FARS2: variants seen among roughly 807,000 people sequenced by gnomAD.
FARS2 encodes phenylalanine--tRNA ligase, mitochondrial.
FARS2 carries 40 observed loss-of-function variants against 46.4 expected under a neutral mutation model. That is an observed-to-expected ratio of 0.86 (90% CI 0.67 to 1.12). The LOEUF (loss-of-function observed/expected upper bound fraction) is 1.12, where lower values mean the gene tolerates loss of function less well. Ranked by LOEUF, FARS2 falls within the 50% of genes most tolerant of loss-of-function variation. FARS2 has a pLI of 0.00. For missense variants in FARS2, 513 were observed against 567.9 expected (o/e 0.90, Z 0.98); for synonymous variants, 234 against 214.9 (o/e 1.09, Z -0.78).
At chr6:5,570,407 ATC>A (rs1772572660) in intron 5 of FARS2, among the ~76,000 whole-genome samples, 1 of 152,188 alleles carries the variant, frequency 6.6e-6, no homozygotes, top group Non-Finnish European at 1.5e-5. Context: ...AAACCACAAC[ATC>A]TTCTCTTTAT....
At chr6:5,543,299 C>G (rs369187732) in intron 4 of FARS2, among the ~76,000 whole-genome samples, 12 of 152,042 alleles carry the variant, frequency 7.9e-5, no homozygotes, top group African/African-American at 2.9e-4. Context: ...AATCCTGAAG[C>G]TCCATGAATG....
chr6:5,625,088 C>T (rs1026517867), intron 6 of FARS2, among the ~76,000 whole-genome samples: 2 of 152,116 alleles, frequency 1.3e-5, no homozygotes, highest in African/African-American at 4.8e-5. Flanking sequence ...GTCTTGAAAA[C>T]GAAGAGATTT....
At chr6:5,515,080 C>T (rs541002488) in intron 4 of FARS2, among the ~76,000 whole-genome samples, 2 of 152,190 alleles carry the variant, frequency 1.3e-5, no homozygotes, top group South Asian at 4.1e-4. Context: ...GAAACTCCAT[C>T]TGTGGCTTTT....
At chr6:5,520,648 A>C (rs1358262834) in intron 4 of FARS2, among the ~76,000 whole-genome samples, 2 of 152,176 alleles carry the variant, frequency 1.3e-5, no homozygotes, top group African/African-American at 2.4e-5. Context: ...CCTTTTTGCC[A>C]ATGTTTTTCA....
intron 4 of FARS2, among the ~76,000 whole-genome samples, chr6:5,503,876 A>G (rs1767951784): frequency 6.6e-6 from 1 of 152,180 alleles, no homozygotes; most frequent in Non-Finnish European, 1.5e-5. Flanking sequence ...ACTTCTTTGT[A>G]TCTCACTGTA....
rs1474915461 is a variant in FARS2, at chr6:5,771,244, C to A, written c.1218-47C>A. ...GCAAGCCACACTGCTCCTTCAGGCA[C>A]AGCCTTGTTCATCCCGCACTCACCT... On this transcript the variant is annotated intron_variant, in intron 6 of 6. Coordinates refer to ENST00000274680, the MANE Select transcript of FARS2 (RefSeq NM_006567.5). 4 of 1,610,692 alleles carry A rather than the reference C, an allele frequency of 2.5e-6. No individual in the cohort carries two copies. The African/African-American group carries it at 5.3e-5, about 22-fold the overall frequency.
At position 5,613,153 on chromosome 6, in the gene FARS2, C is replaced by G; in HGVS notation, c.1066-16C>G. ...ACTAACAAGTTCATGTATCTTTTCTCCTCTTGTTTTGTTAGCCTCTTAGCA... is the reference window on the plus strand; with the variant it reads ...ACTAACAAGTTCATGTATCTTTTCTGCTCTTGTTTTGTTAGCCTCTTAGCA... On this transcript the variant is annotated splice_polypyrimidine_tract_variant and intron_variant, in intron 5 of 6. Coordinates refer to ENST00000274680, the MANE Select transcript of FARS2 (RefSeq NM_006567.5). 3 of 1,605,970 alleles carry G rather than the reference C, an allele frequency of 1.9e-6. No individual in the cohort carries two copies. The highest frequency in any genetic ancestry group is 2.6e-6 in the Non-Finnish European group (3 of 1,175,930).
chr6:5,620,266 T>C (rs113505027), intron 6 of FARS2, among the ~76,000 whole-genome samples: 171 of 152,318 alleles, frequency 1.1e-3, no homozygotes, highest in African/African-American at 3.9e-3. Flanking sequence ...GCCCCCTTGG[T>C]AGGCAAAATT....
chr6:5,306,794 T>C (rs559628480), intron 1 of FARS2, among the ~76,000 whole-genome samples: 3 of 152,294 alleles, frequency 2.0e-5, no homozygotes, highest in Non-Finnish European at 2.9e-5. Context: ...ACAAGTCACA[T>C]GGTAAAAAGA....
intron 1 of FARS2, among the ~76,000 whole-genome samples, chr6:5,344,950 T>C (rs1000768954): frequency 6.6e-6 from 1 of 151,984 alleles, no homozygotes; most frequent in Non-Finnish European, 1.5e-5. Flanking sequence ...ACACCACACC[T>C]GACTAATTTT....
At chr6:5,648,461 G>A (rs968797237) in intron 6 of FARS2, among the ~76,000 whole-genome samples, 3 of 152,172 alleles carry the variant, frequency 2.0e-5, no homozygotes, top group Non-Finnish European at 4.4e-5. Context: ...TGCATCCTGA[G>A]TGGGACCCAA....
chr6:5,576,737 C>T (rs1773008143), intron 5 of FARS2, among the ~76,000 whole-genome samples: 1 of 151,378 alleles, frequency 6.6e-6, no homozygotes, highest in Non-Finnish European at 1.5e-5. Flanking sequence ...TTTATGTATT[C>T]ATTCAGTAAT....
At chr6:5,731,435 G>C (rs1178438640) in intron 6 of FARS2, among the ~76,000 whole-genome samples, 1 of 152,066 alleles carries the variant, frequency 6.6e-6, no homozygotes, top group Non-Finnish European at 1.5e-5. Flanking sequence ...CAATCCTCTT[G>C]CTCCCCAGAT....
chr6:5,609,407 A>G, intron 5 of FARS2: 1 of 1,272,466 alleles, frequency 7.9e-7, no homozygotes, highest in Non-Finnish European at 1.1e-6. Context: ...TGCCAAAATC[A>G]TTGTAGCTTC....
chr6:5,315,270 G>A (rs1282979826), intron 1 of FARS2, among the ~76,000 whole-genome samples: 1 of 152,156 alleles, frequency 6.6e-6, no homozygotes, highest in Non-Finnish European at 1.5e-5. Flanking sequence ...ATGCTAAAAT[G>A]TCAGAGAAAG....
At chr6:5,301,886 A>T (rs924138512) in intron 1 of FARS2, among the ~76,000 whole-genome samples, 1 of 151,908 alleles carries the variant, frequency 6.6e-6, no homozygotes, top group African/African-American at 2.4e-5. Context: ...CACACAAGTA[A>T]GGGTTATGTC....
chr6:5,260,603 GGCCCCTGGCCCCCC>G, upstream of FARS2: 9 of 636,382 alleles, frequency 1.4e-5, no homozygotes, highest in Non-Finnish European at 2.4e-5. Flanking sequence ...CCCGGTCCCC[GGCCCCTGGCCCCCC>G]GCCCCCGGCC....
At chr6:5,662,324 AG>A in intron 6 of FARS2, among the ~76,000 whole-genome samples, 1 of 152,236 alleles carries the variant, frequency 6.6e-6, no homozygotes. Flanking sequence ...TTAGTTTTGC[AG>A]GGACTTCCCC....
chr6:5,724,842 C>T (rs1760145835), intron 6 of FARS2, among the ~76,000 whole-genome samples: 1 of 152,252 alleles, frequency 6.6e-6, no homozygotes, highest in Non-Finnish European at 1.5e-5. Context: ...TCCACAGTAA[C>T]ATGAAATACA....
Sources: allele counts gnomAD v4.1 joint callset (sites outside exome capture counted in the v4.1 genomes callset), GRCh38; gene constraint gnomAD v4.1.1; transcripts MANE v1.5; gene names NCBI Gene and HGNC (gene_info 2026-07-23, HGNC 2026-07-21).